Variants in ORC4 observed in about 807,000 individuals in gnomAD.
The protein encoded by ORC4 is origin recognition complex subunit 4.
A neutral mutation model predicts 63.9 loss-of-function variants in ORC4; 55 were observed. The observed-to-expected ratio is 0.86, with a 90% CI of 0.69 to 1.08. The LOEUF (loss-of-function observed/expected upper bound fraction) is 1.08. Among genes scored for constraint, ORC4 ranks in the 50% least tolerant of loss-of-function variants. ORC4 has a pLI of 0.00. For missense variants in ORC4, 511 were observed against 504.4 expected (o/e 1.01, Z -0.13); for synonymous variants, 150 against 168.5 (o/e 0.89, Z 0.85).
chr2:148,011,911 A>T (rs573539967), intron 1 of ORC4, among the ~76,000 whole-genome samples: 21 of 152,268 alleles, frequency 1.4e-4, no homozygotes, highest in African/African-American at 5.1e-4. Context: ...ACCAACTACA[A>T]TGCAAACTAT....
intron 7 of ORC4, among the ~76,000 whole-genome samples, chr2:147,953,378 T>A (rs1303453958): frequency 6.6e-6 from 1 of 152,116 alleles, no homozygotes; most frequent in Non-Finnish European, 1.5e-5. Context: ...AAAAATCATT[T>A]AAATGACTAA....
chr2:147,967,767 A>G (rs1689981470), intron 4 of ORC4, among the ~76,000 whole-genome samples: 1 of 152,114 alleles, frequency 6.6e-6, no homozygotes, highest in South Asian at 2.1e-4. Context: ...TCATAACACT[A>G]ATGATATTCT....
intron 1 of ORC4, among the ~76,000 whole-genome samples, chr2:148,005,144 T>A (rs907546521): frequency 2.0e-5 from 3 of 152,154 alleles, no homozygotes; most frequent in South Asian, 2.1e-4. Flanking sequence ...TAGCAAAGAC[T>A]TGGAACCAAT....
upstream of ORC4, chr2:148,021,472 C>CTGCTGCTGT (rs1434155009): frequency 5.2e-6 from 3 of 577,994 alleles, no homozygotes; most frequent in Non-Finnish European, 6.6e-6. Flanking sequence ...GTTGCTGCTG[C>CTGCTGCTGT]TGCTGCTGTT....
intron 9 of ORC4, among the ~76,000 whole-genome samples, chr2:147,944,267 T>C (rs1363575951): frequency 6.6e-6 from 1 of 151,636 alleles, no homozygotes; most frequent in East Asian, 1.9e-4. Flanking sequence ...AAAAGTGAAA[T>C]GTGGTCAAAA....
In ORC4 at chr2:147,931,965, G is replaced by C. The variant is rs1687768781; in HGVS notation, c.*3545C>G. 1 of 151,900 alleles carries C rather than the reference G, an allele frequency of 6.6e-6. No individual in the cohort carries two copies. Among genetic ancestry groups the C allele is most frequent in the Non-Finnish European group, 1.5e-5 (1 of 67,988 alleles). The allele number at this position is 151,900 out of a possible 1,614,324, so 9.4% of individuals were successfully genotyped here. ...TTGGAAGTTCTGGCCAGGGCAATTA[G>C]GCAGGAGAAGGAAATAAAGGGTATT... On this transcript the variant is annotated 3_prime_UTR_variant, in exon 14 of 14. Coordinates refer to ENST00000392857, the MANE Select transcript of ORC4 (RefSeq NM_181741.4).
rs533651007 is a variant in ORC4, at chr2:148,007,010, A to C, written c.-18+13623T>G. 8.5e-5 allele frequency among the ~76,000 whole-genome samples: 13 copies of C among 152,356 alleles called. No individual in the cohort carries two copies. The East Asian group carries it at 2.1e-3, about 25-fold the overall frequency. On this transcript the variant is annotated intron_variant, in intron 1 of 13. Transcript: ENST00000392857. ...TTCTCCCAATTATCTTCCCAAGTCC[A>C]TCAGGACTGTGTATGTAGGAGTCTG...
upstream of ORC4, chr2:148,021,438 C>T: frequency 1.8e-6 from 1 of 562,536 alleles, no homozygotes; most frequent in Non-Finnish European, 3.4e-6. Context: ...AGCCTCTTAG[C>T]AACACAGACC....
At chr2:147,938,016 T>C (rs181920868) in intron 13 of ORC4, 130 bp downstream of exon 13, 613 of 716,746 alleles carry the variant, frequency 8.6e-4, no homozygotes, top group Middle Eastern at 1.2e-3. Context: ...TTTTAGATAA[T>C]TTTCTTGTTT....
At chr2:148,002,557 A>T (rs761469164) in intron 1 of ORC4, among the ~76,000 whole-genome samples, 41 of 152,218 alleles carry the variant, frequency 2.7e-4, no homozygotes, top group African/African-American at 4.8e-5. Flanking sequence ...ACATTCTTTA[A>T]AACCAATGAG....
At chr2:147,977,182 A>G (rs1302907073) in intron 1 of ORC4, among the ~76,000 whole-genome samples, 6 of 152,224 alleles carry the variant, frequency 3.9e-5, no homozygotes, top group Admixed American at 3.9e-4. Context: ...CCAAAATCAA[A>G]CAGTATATAA....
intron 1 of ORC4, among the ~76,000 whole-genome samples, chr2:147,998,167 T>C (rs1009793442): frequency 6.6e-6 from 1 of 152,156 alleles, no homozygotes; most frequent in Non-Finnish European, 1.5e-5. Flanking sequence ...GATATTTTTG[T>C]AAACAATACA....
At chr2:147,957,883 C>T (rs999009750) in intron 6 of ORC4, among the ~76,000 whole-genome samples, 6 of 152,106 alleles carry the variant, frequency 3.9e-5, no homozygotes, top group Admixed American at 3.9e-4. Flanking sequence ...TGAAACCCAC[C>T]TATTGCAGCC....
intron 1 of ORC4, among the ~76,000 whole-genome samples, chr2:148,008,947 C>CA (rs200363280): frequency 3.6e-3 from 540 of 147,952 alleles, no homozygotes; most frequent in East Asian, 9.7e-3. Flanking sequence ...ATAACACTAT[C>CA]AAAAAAAAAC....
At chr2:147,958,476 A>G in intron 5 of ORC4, 93 bp from the exon 6 acceptor site, 1 of 880,816 alleles carries the variant, frequency 1.1e-6, no homozygotes, top group South Asian at 1.4e-5. Context: ...CTTCCCAGTC[A>G]AAGCCTGTGA....
Position 147,952,463 on chromosome 2 carries a change from ATGAGCAAAAAG to A in ORC4, c.487_497del (p.Leu163SerfsTer2). On this transcript the variant is annotated frameshift_variant, in exon 8 of 14. Transcript: ENST00000392857. LOFTEE classifies it high-confidence loss of function. ...TATAGAGAAGTGTTTGGTTTTTATGATGAGCAAAAAGATCAAATTCATCTAATATGAAGATC... is the reference window on the plus strand; with the variant it reads ...TATAGAGAAGTGTTTGGTTTTTATGAATCAAATTCATCTAATATGAAGATC... 1.9e-6 allele frequency: 3 copies of A among 1,611,212 alleles called. No homozygotes were observed. The highest frequency in any genetic ancestry group is 2.5e-6 in the Non-Finnish European group (3 of 1,177,434).
In ORC4 at chr2:147,975,241, A is replaced by G. The variant is rs574706120; in HGVS notation, c.57+661T>C. Among the ~76,000 whole-genome samples, 4 of 152,304 alleles carry G rather than the reference A, an allele frequency of 2.6e-5. No individual in the cohort carries two copies. In the South Asian group the frequency reaches 6.2e-4, roughly 24 times the overall value. On this transcript the variant is annotated intron_variant, in intron 2 of 13. Coordinates refer to ENST00000392857, the MANE Select transcript of ORC4 (RefSeq NM_181741.4). ...CTTCTTAAGGAAGAGACATACAGAT[A>G]GATGCTCAGCACTTGGAATACAATA...
chr2:148,014,392 T>C (rs1377611978), intron 1 of ORC4, among the ~76,000 whole-genome samples: 1 of 152,156 alleles, frequency 6.6e-6, no homozygotes, highest in Non-Finnish European at 1.5e-5. Context: ...CTCTTGAACA[T>C]GAATAGTGAC....
chr2:147,930,903 T>C lies in ORC4; in HGVS notation c.*4607A>G, dbSNP rs1236327094. ...TAAGTTTTAGGGTACATGTGCACAT[T>C]GTGCAGGTTAGTTACATAGGTATAC... On this transcript the variant is annotated 3_prime_UTR_variant, in exon 14 of 14. Coordinates refer to ENST00000392857, the MANE Select transcript of ORC4 (RefSeq NM_181741.4). 1 of 151,806 alleles carries C rather than the reference T, an allele frequency of 6.6e-6. No homozygotes were observed. Among genetic ancestry groups the C allele is most frequent in the Non-Finnish European group, 1.5e-5 (1 of 67,852 alleles). The allele number at this position is 151,806 out of a possible 1,614,324, so 9.4% of individuals were successfully genotyped here.
Sources: allele counts gnomAD v4.1 joint callset (sites outside exome capture counted in the v4.1 genomes callset), GRCh38; gene constraint gnomAD v4.1.1; transcripts MANE v1.5; gene names NCBI Gene and HGNC (gene_info 2026-07-23, HGNC 2026-07-21).